The following DNAH10 variants were observed in gnomAD, a reference collection of about 807,000 sequenced individuals.
DNAH10 encodes the protein dynein axonemal heavy chain 10, also known as axonemal beta dynein heavy chain 10.
DNAH10 carries 348 observed loss-of-function variants against 506.6 expected under a neutral mutation model. The observed-to-expected ratio is 0.69, with a 90% CI of 0.63 to 0.75. The LOEUF (loss-of-function observed/expected upper bound fraction) is 0.75, where lower values mean the gene tolerates loss of function less well. DNAH10 is among the 30% of genes least tolerant of loss of function. DNAH10 has a pLI of 0.00. For missense variants in DNAH10, 5,179 were observed against 5,787.1 expected (o/e 0.89, Z 3.41); for synonymous variants, 2,059 against 2,198.6 (o/e 0.94, Z 1.78).
At chr12:123,814,129 CTA>C in intron 21 of DNAH10, 1 of 409,680 alleles carries the variant, frequency 2.4e-6, no homozygotes, top group Non-Finnish European at 4.2e-6. Context: ...TGATCTGTAA[CTA>C]TACCATTTCC....
chr12:123,774,886 G>T (rs1957383891), intron 5 of DNAH10, among the ~76,000 whole-genome samples: 2 of 152,182 alleles, frequency 1.3e-5, no homozygotes, highest in South Asian at 4.1e-4. Flanking sequence ...TTGGGGTCTT[G>T]CTCCCAACAC....
In DNAH10 at chr12:123,918,870, G is replaced by T; in HGVS notation, c.11427G>T (p.Leu3809=). 6.2e-7 allele frequency: 1 copy of T among 1,613,898 alleles called. No individual in the cohort carries two copies. Among genetic ancestry groups the T allele is most frequent in the Non-Finnish European group, 8.5e-7 (1 of 1,179,880 alleles). Reference sequence around the variant, plus strand: ...TCAGGCTGTCACTGAAGAAGTCGCTGCCTGATTCCATCCTCATGAAACGCC... The same window carrying T: ...TCAGGCTGTCACTGAAGAAGTCGCTTCCTGATTCCATCCTCATGAAACGCC... ...EVFRLSLKKS[L]PDSILMKRLR... Residue 3809 remains leucine, a synonymous_variant, in exon 65 of 79, where the codon CTG becomes CTT. Coordinates refer to ENST00000673944, the MANE Select transcript of DNAH10 (RefSeq NM_001372106.1).
In DNAH10 at chr12:123,846,523, G is replaced by A. The variant is rs1211307861; in HGVS notation, c.5814+369G>A. Among the ~76,000 whole-genome samples the A allele has an allele frequency of 6.6e-6, 1 of 152,212 alleles. No individual in the cohort carries two copies. The highest frequency in any genetic ancestry group is 1.5e-5 in the Non-Finnish European group (1 of 68,046). ...TCCGTTCAAGTGAACGGCCTTGGATGATAGAGATAGTGTCTCCCTCCAGGA... is the reference window on the plus strand; with the variant it reads ...TCCGTTCAAGTGAACGGCCTTGGATAATAGAGATAGTGTCTCCCTCCAGGA... On this transcript the variant is annotated intron_variant, in intron 32 of 78. Transcript: ENST00000673944. The surrounding 1 kb of genome is among the most constrained non-coding windows in gnomAD (Gnocchi z 4.5).
intron 18 of DNAH10, among the ~76,000 whole-genome samples, chr12:123,806,022 C>G (rs148672913): frequency 1.3e-5 from 2 of 152,258 alleles, no homozygotes; most frequent in Non-Finnish European, 2.9e-5. Context: ...ATGATCCGCC[C>G]GCGTTGGCCT....
At position 123,917,881 on chromosome 12, in the gene DNAH10, CTCTG is replaced by C. The variant is rs1266291461; in HGVS notation, c.11232+73_11232+76del. ...GCATGCGCCGTTGGAGCGTCCATTT[CTCTG>C]TCTGCTCAATGAGAAAATGGGGCTC... On this transcript the variant is annotated intron_variant, in intron 64 of 78. Coordinates refer to ENST00000673944, the MANE Select transcript of DNAH10 (RefSeq NM_001372106.1). This position sits in a 1 kb window ranked among gnomAD's most constrained non-coding sequence, Gnocchi z 5.6. 2 of 1,473,302 alleles carry C rather than the reference CTCTG, an allele frequency of 1.4e-6. No individual in the cohort carries two copies. Among genetic ancestry groups the C allele is most frequent in the African/African-American group, 2.8e-5 (2 of 70,924 alleles). The allele number at this position is 1,473,302 out of a possible 1,614,324, so 91.3% of individuals were successfully genotyped here.
Position 123,846,351 on chromosome 12 carries a change from C to T in DNAH10, c.5814+197C>T, listed in dbSNP as rs1187479806. Among the ~76,000 whole-genome samples the T allele has an allele frequency of 6.6e-6, 1 of 152,286 alleles. No individual in the cohort carries two copies. The highest frequency in any genetic ancestry group is 2.4e-5 in the African/African-American group (1 of 41,560). ...GCATGTAAGTGTGGCCGTGCTTAGC[C>T]ACTGGTACACTGGTCCCTAGGTAAT... is the stretch of plus-strand genomic sequence containing the variant. On this transcript the variant is annotated intron_variant, in intron 32 of 78. Transcript: ENST00000673944. This position sits in a 1 kb window ranked among gnomAD's most constrained non-coding sequence, Gnocchi z 4.5.
At chr12:123,831,767 G>A (rs147989807) in intron 26 of DNAH10, among the ~76,000 whole-genome samples, 2,967 of 151,816 alleles carry the variant, frequency 0.02, 111 homozygotes, top group African/African-American at 0.067. Flanking sequence ...GGTGCCGGGT[G>A]TGGTGGCGGG....
rs538994187 is a variant in DNAH10 at position 123,844,592 on chromosome 12, T to C, written c.5361-1008T>C. On this transcript the variant is annotated intron_variant, in intron 30 of 78. Coordinates refer to ENST00000673944, the MANE Select transcript of DNAH10 (RefSeq NM_001372106.1). ...TTCAAAAGCGTGTTACAACCTGGCC[T>C]GCAAACCTGGGCAGTGTGGTCAGAG... Among the ~76,000 whole-genome samples, 5 of 152,338 alleles carry C rather than the reference T, an allele frequency of 3.3e-5. 1 individual carries two copies. Among genetic ancestry groups the C allele is most frequent in the African/African-American group, 1.2e-4 (5 of 41,592 alleles).
In DNAH10 at chr12:123,799,149, A is replaced by G. The variant is rs868761565; in HGVS notation, c.2164-97A>G. ...TTATATAATGTTTATAATAATTTAT[A>G]TATTATATTTATAATTTGTATAAAT... On this transcript the variant is annotated intron_variant, in intron 13 of 78. Coordinates refer to ENST00000673944, the MANE Select transcript of DNAH10 (RefSeq NM_001372106.1). The G allele has an allele frequency of 3.5e-4, 232 of 666,822 alleles. 2 individuals carry two copies. The Middle Eastern group carries it at 6.7e-3, about 19-fold the overall frequency. 41.3% of individuals were successfully genotyped at this position (666,822 alleles called of 1,614,324 possible). A position where few individuals can be genotyped will look rare whatever the true frequency, so the allele number is the denominator to read the frequency against.
Position 123,800,224 on chromosome 12 carries a change from C to T in DNAH10, c.2298C>T (p.Ile766=), listed in dbSNP as rs144570414. 3.0e-4 allele frequency: 483 copies of T among 1,613,522 alleles called. 1 individual carries two copies. Among genetic ancestry groups the T allele is most frequent in the Non-Finnish European group, 3.9e-4 (459 of 1,179,764 alleles). Residue 766 remains isoleucine (I), a synonymous_variant, in exon 15 of 79, where the codon ATC becomes ATT. Coordinates refer to ENST00000673944, the MANE Select transcript of DNAH10 (RefSeq NM_001372106.1). ...MKKSLLTKSS[I]ATEEPSTLER... ...GAATGTCTCTTCCACAGTCTTCCAT[C>T]GCCACAGAGGAGCCTTCGACTTTAG...
At chr12:123,819,504 C>T (rs1959204875) in intron 23 of DNAH10, among the ~76,000 whole-genome samples, 1 of 151,868 alleles carries the variant, frequency 6.6e-6, no homozygotes, top group Non-Finnish European at 1.5e-5. Flanking sequence ...GCCTCCACTC[C>T]TGTGGGGGAT....
chr12:123,770,971 A>T lies in DNAH10; in HGVS notation c.299-630A>T, dbSNP rs533134640. Among the ~76,000 whole-genome samples the T allele has an allele frequency of 5.1e-3, 604 of 117,880 alleles. 10 individuals carry two copies. The highest frequency in any genetic ancestry group is 0.019 in the African/African-American group (564 of 29,584). 77.3% of individuals were successfully genotyped at this position (117,880 alleles called of 152,430 possible). On this transcript the variant is annotated intron_variant, in intron 2 of 78. Coordinates refer to ENST00000673944, the MANE Select transcript of DNAH10 (RefSeq NM_001372106.1). ...AGTAAATGCTAACATGCTAGCTGTA[A>T]TTCTTTTTTTTTTTTTTTTTTGAGA...
intron 36 of DNAH10, among the ~76,000 whole-genome samples, chr12:123,856,017 AT>A (rs1288277048): frequency 6.7e-6 from 1 of 148,334 alleles, no homozygotes; most frequent in African/African-American, 2.5e-5. Flanking sequence ...CATTTATATT[AT>A]TTATATGATC....
intron 19 of DNAH10, among the ~76,000 whole-genome samples, chr12:123,812,204 T>C (rs1056277430): frequency 5.3e-5 from 8 of 151,880 alleles, no homozygotes; most frequent in Admixed American, 1.3e-4. Context: ...GTAATCCCAG[T>C]ACTTTGGGAG....
At position 123,834,032 on chromosome 12, in the gene DNAH10, A is replaced by G. The variant is rs141658711; in HGVS notation, c.4779+685A>G. 1.3e-3 allele frequency among the ~76,000 whole-genome samples: 193 copies of G among 152,226 alleles called. 3 individuals are homozygous for G. The highest frequency in any genetic ancestry group is 0.01 in the East Asian group (53 of 5,172). On this transcript the variant is annotated intron_variant, in intron 27 of 78. Coordinates refer to ENST00000673944, the MANE Select transcript of DNAH10 (RefSeq NM_001372106.1). ...ACAGGCAAGCACCTTGTTTTTGGCC[A>G]CAATCCAAGCCTTGGGTGGGATGAA...
intron 51 of DNAH10, among the ~76,000 whole-genome samples, chr12:123,882,667 C>T (rs77885828): frequency 0.034 from 5,097 of 151,900 alleles, 251 homozygotes; most frequent in African/African-American, 0.11. Flanking sequence ...GTGGCACGCA[C>T]CTGTAATCCC....
chr12:123,821,094 C>A (rs1242958769), intron 24 of DNAH10, among the ~76,000 whole-genome samples: 2 of 152,044 alleles, frequency 1.3e-5, no homozygotes, highest in African/African-American at 4.8e-5. Flanking sequence ...TACTAAAAAT[C>A]CAAAAGTCAG....
At chr12:123,860,939 T>C (rs1016248877) in intron 38 of DNAH10, 73 bp from the exon 39 acceptor site, 2 of 1,604,244 alleles carry the variant, frequency 1.2e-6, no homozygotes, top group East Asian at 2.2e-5. Flanking sequence ...TAATTCCTCA[T>C]AGAGGGAACC....
chr12:123,895,801 C>A (rs567962428), intron 54 of DNAH10, among the ~76,000 whole-genome samples: 5 of 152,200 alleles, frequency 3.3e-5, no homozygotes, highest in African/African-American at 1.2e-4. Flanking sequence ...TTGCTTAGAA[C>A]TTTTTTGTCC....
Sources: gnomAD v4.1 joint callset for allele counts (sites outside exome capture counted in the v4.1 genomes callset) on GRCh38, gnomAD v4.1.1 for gene constraint, Gnocchi (gnomAD v3.1) non-coding constraint, MANE v1.5 for transcripts, NCBI Gene and HGNC (gene_info 2026-07-23, HGNC 2026-07-21) for gene names.